Variants in CLRN1 observed in about 807,000 individuals in gnomAD.
CLRN1 encodes clarin 1.
Under a neutral mutation model 18.7 loss-of-function variants are expected in CLRN1, and 15 were observed. That is an observed-to-expected ratio of 0.80 (90% CI 0.54 to 1.23). CLRN1 has a LOEUF of 1.23. Among genes scored for constraint, CLRN1 ranks in the 50% most tolerant of loss-of-function variants. The pLI is 0.00. For missense variants in CLRN1, 311 were observed against 277.5 expected, an observed-to-expected ratio of 1.12 and a Z score of -0.86; for synonymous variants, 104 against 102.9, an observed-to-expected ratio of 1.01 and a Z score of -0.07.
intron 1 of CLRN1, among the ~76,000 whole-genome samples, chr3:150,968,994 T>G (rs1168896248): frequency 6.6e-6 from 1 of 151,932 alleles, no homozygotes; most frequent in Non-Finnish European, 1.5e-5. Flanking sequence ...TTCTTGCCTA[T>G]TAAACTCTCT....
At chr3:150,944,868 C>T (rs935968456) in intron 1 of CLRN1, among the ~76,000 whole-genome samples, 2 of 152,148 alleles carry the variant, frequency 1.3e-5, no homozygotes, top group African/African-American at 2.4e-5. Context: ...GCTTGGGCCC[C>T]AGGATGGGAA....
At chr3:150,934,434 C>T (rs1713336114) in intron 2 of CLRN1, among the ~76,000 whole-genome samples, 1 of 152,106 alleles carries the variant, frequency 6.6e-6, no homozygotes, top group African/African-American at 2.4e-5. Flanking sequence ...TGTAAGAAAG[C>T]CTATATATAA....
chr3:150,958,031 G>A (rs1438979002), intron 1 of CLRN1, among the ~76,000 whole-genome samples: 2 of 152,064 alleles, frequency 1.3e-5, no homozygotes, highest in Non-Finnish European at 2.9e-5. Flanking sequence ...AACTACTGCC[G>A]CTAATCTGCT....
chr3:150,936,931 A>T (rs145490363), intron 2 of CLRN1, among the ~76,000 whole-genome samples: 167 of 152,216 alleles, frequency 1.1e-3, no homozygotes, highest in Non-Finnish European at 2.0e-3. Context: ...GTTCCTTCTT[A>T]GCTTTAGAAC....
Position 150,927,020 on chromosome 3 carries a change from C to T in CLRN1, c.*916G>A, listed in dbSNP as rs143654784. On this transcript the variant is annotated 3_prime_UTR_variant, in exon 3 of 3. Transcript: ENST00000327047. ...ATTTTCATAATTGCATATTAGTACT[C>T]GAGACACTATAGCTAGAAAAACAGC... The T allele has an allele frequency of 5.4e-4, 759 of 1,409,536 alleles. 2 individuals are homozygous for T. In the African/African-American group the frequency reaches 7.5e-3, roughly 14 times the overall value. 87.3% of individuals were successfully genotyped at this position (1,409,536 alleles called of 1,614,324 possible).
intron 1 of CLRN1, among the ~76,000 whole-genome samples, chr3:150,953,454 T>C (rs1484227136): frequency 6.6e-6 from 1 of 152,122 alleles, no homozygotes. Context: ...ATCACCAAAC[T>C]TCTTCAAACA....
At chr3:150,958,354 G>A (rs188915867) in intron 1 of CLRN1, among the ~76,000 whole-genome samples, 13 of 152,246 alleles carry the variant, frequency 8.5e-5, no homozygotes, top group African/African-American at 4.8e-5. Flanking sequence ...AATATTGGAG[G>A]AGCCTTATGA....
intron 2 of CLRN1, among the ~76,000 whole-genome samples, chr3:150,937,600 T>C (rs1713568691): frequency 7.4e-6 from 1 of 134,450 alleles, no homozygotes; most frequent in Non-Finnish European, 1.7e-5. Context: ...ATGATGAAGG[T>C]ATTACTAAAA....
intron 2 of CLRN1, 165 bp downstream of exon 2, chr3:150,941,417 T>C: frequency 3.0e-6 from 2 of 676,166 alleles, no homozygotes; most frequent in East Asian, 2.8e-5. Context: ...TTGAATTCCC[T>C]ACTGTTGAGC....
chr3:150,929,273 G>T (rs1224130827), intron 2 of CLRN1, among the ~76,000 whole-genome samples: 4 of 152,180 alleles, frequency 2.6e-5, no homozygotes, highest in African/African-American at 9.7e-5. Flanking sequence ...ACTCTGGTGA[G>T]TGTCTCCCCC....
upstream of CLRN1, chr3:150,972,806 G>T (rs1254903956): frequency 6.4e-7 from 1 of 1,553,848 alleles, no homozygotes; most frequent in African/African-American, 1.4e-5. Flanking sequence ...TACGGAAGCT[G>T]AACGGACAGC....
intron 1 of CLRN1, among the ~76,000 whole-genome samples, chr3:150,960,653 T>C (rs778541790): frequency 2.4e-4 from 37 of 152,214 alleles, no homozygotes; most frequent in Non-Finnish European, 4.1e-4. Flanking sequence ...TTGGACATCC[T>C]CTGTAATGGC....
At chr3:150,962,420 C>T (rs1360244733) in intron 1 of CLRN1, among the ~76,000 whole-genome samples, 1 of 151,776 alleles carries the variant, frequency 6.6e-6, no homozygotes, top group Non-Finnish European at 1.5e-5. Context: ...TTTATGAAAA[C>T]CCTAATATAT....
At chr3:150,945,017 G>C (rs1213917095) in intron 1 of CLRN1, among the ~76,000 whole-genome samples, 5 of 152,172 alleles carry the variant, frequency 3.3e-5, no homozygotes, top group African/African-American at 1.2e-4. Flanking sequence ...GCTAGGGTAA[G>C]GCAAACAAGG....
intron 2 of CLRN1, among the ~76,000 whole-genome samples, chr3:150,930,220 G>A (rs1006545531): frequency 1.3e-4 from 20 of 152,258 alleles, no homozygotes; most frequent in African/African-American, 4.3e-4. Flanking sequence ...GGAGCTATAG[G>A]AAAAGTTAGC....
intron 1 of CLRN1, among the ~76,000 whole-genome samples, chr3:150,955,814 A>G (rs554538132): frequency 5.9e-5 from 9 of 152,328 alleles, no homozygotes; most frequent in African/African-American, 1.4e-4. Flanking sequence ...CCAAAGCCCA[A>G]CTGTCTATGG....
intron 1 of CLRN1, among the ~76,000 whole-genome samples, chr3:150,965,182 T>C (rs528375384): frequency 1.2e-4 from 19 of 152,308 alleles, no homozygotes; most frequent in African/African-American, 3.8e-4. Flanking sequence ...CATATGCATA[T>C]GAATTTGAAT....
chr3:150,953,021 C>T (rs1260950980), intron 1 of CLRN1, among the ~76,000 whole-genome samples: 1 of 152,158 alleles, frequency 6.6e-6, no homozygotes, highest in African/African-American at 2.4e-5. Context: ...TGTTTTCTGA[C>T]CAACACTAAT....
chr3:150,930,052 GATA>G (rs1187872238), intron 2 of CLRN1, among the ~76,000 whole-genome samples: 3 of 152,172 alleles, frequency 2.0e-5, no homozygotes, highest in Admixed American at 1.3e-4. Context: ...AAACATTAAA[GATA>G]ATACTCATGA....
Sources: gnomAD v4.1 joint callset for allele counts (sites outside exome capture counted in the v4.1 genomes callset) on GRCh38, gnomAD v4.1.1 for gene constraint, MANE v1.5 for transcripts, NCBI Gene and HGNC (gene_info 2026-07-23, HGNC 2026-07-21) for gene names.